IQGAP3: variants seen among roughly 807,000 people sequenced by gnomAD.
The protein encoded by IQGAP3 is ras GTPase-activating-like protein IQGAP3.
In IQGAP3, 165 loss-of-function variants were observed where a neutral mutation model predicts 208.2. The observed-to-expected ratio is 0.79, with a 90% CI of 0.70 to 0.90. The LOEUF (loss-of-function observed/expected upper bound fraction) is 0.90. Among genes scored for constraint, IQGAP3 ranks in the 40% least tolerant of loss-of-function variants. The pLI is 0.00. For missense variants in IQGAP3, 1,811 were observed against 2,043.1 expected (o/e 0.89, Z 2.19); for synonymous variants, 703 against 803.6 (o/e 0.87, Z 2.12).
chr1:156,532,955 AG>A, intron 32 of IQGAP3, 24 bp downstream of exon 32: 3 of 1,613,302 alleles, frequency 1.9e-6, no homozygotes, highest in Non-Finnish European at 2.5e-6. Flanking sequence ...TCAGGTATGC[AG>A]GGGCAGAGGC....
intron 2 of IQGAP3, among the ~76,000 whole-genome samples, chr1:156,568,318 G>A (rs986332429): frequency 2.0e-5 from 3 of 152,010 alleles, no homozygotes. Context: ...GGGTTCAAGC[G>A]ATTCTCCTGC....
In IQGAP3 at chr1:156,561,019, C is replaced by A; in HGVS notation, c.1044G>T (p.Glu348Asp). 6.2e-7 allele frequency: 1 copy of A among 1,612,406 alleles called. No individual in the cohort carries two copies. Among genetic ancestry groups the A allele is most frequent in the South Asian group, 1.1e-5 (1 of 91,036 alleles). Residue 348 changes from glutamate (E) to aspartate (D), a missense_variant and splice_region_variant, in exon 11 of 38, where the codon GAG becomes GAT. Coordinates refer to ENST00000361170, the MANE Select transcript of IQGAP3 (RefSeq NM_178229.5). ...LNSDREQKAQ[E>D]LGLVELLEKE... ...TTTCCAGAAGCTCCACCAGGCCCAG[C>A]TCCTAAGAGAGGGAAGAGATACAGT...
intron 31 of IQGAP3, 26 bp from the exon 32 acceptor site, chr1:156,533,132 G>T: frequency 6.2e-7 from 1 of 1,613,314 alleles, no homozygotes; most frequent in South Asian, 1.1e-5. Context: ...GAATGAGAGG[G>T]AGACAGGCAT....
chr1:156,529,449 G>A (rs1557915179), intron 34 of IQGAP3, among the ~76,000 whole-genome samples: 1 of 151,880 alleles, frequency 6.6e-6, no homozygotes, highest in East Asian at 1.9e-4. Context: ...AAAAAAAAAA[G>A]AGAGTTGCAA....
intron 19 of IQGAP3, among the ~76,000 whole-genome samples, chr1:156,547,462 G>T (rs1454320300): frequency 1.3e-5 from 2 of 150,888 alleles, no homozygotes; most frequent in African/African-American, 4.9e-5. Flanking sequence ...GTCTCGCTCT[G>T]TTGCCCATGC....
At chr1:156,528,427 C>T in intron 36 of IQGAP3, 82 bp downstream of exon 36, 3 of 974,454 alleles carry the variant, frequency 3.1e-6, no homozygotes, top group Non-Finnish European at 4.8e-6. Context: ...TTCTTCTCTT[C>T]CACCCGGTGC....
chr1:156,566,159 G>C, intron 3 of IQGAP3, 55 bp from the exon 4 acceptor site: 1 of 1,493,338 alleles, frequency 6.7e-7, no homozygotes. Context: ...ACTCCCTATG[G>C]GTAAAGCCCA....
Position 156,561,869 on chromosome 1 carries a change from T to C in IQGAP3, c.1010A>G (p.Gln337Arg). 2 of 1,614,090 alleles carry C rather than the reference T, an allele frequency of 1.2e-6. No individual in the cohort carries two copies. Residue 337 changes from glutamine to arginine, a missense_variant, in exon 10 of 38, where the codon CAG (glutamine) becomes CGG (arginine). Gln to Arg is a conservative substitution (Grantham distance 43). Transcript: ENST00000361170. Reference protein sequence around the residue: ...RRDFADWYLEQLNSDREQKAQ... With the variant: ...RRDFADWYLERLNSDREQKAQ... ...CTTCTGCTCTCTGTCTGAGTTCAGC[T>C]GCTCCAGGTACCAGTCAGCAAAGTC...
At position 156,548,762 on chromosome 1, in the gene IQGAP3, C is replaced by T. The variant is rs1377775648; in HGVS notation, c.1826-14G>A. ...CACCAAGAGCCACTGACAGGGGCATCAGGAGAGAGCAGTCAATCCTTCCCC... is the reference window on the plus strand; with the variant it reads ...CACCAAGAGCCACTGACAGGGGCATTAGGAGAGAGCAGTCAATCCTTCCCC... On this transcript the variant is annotated splice_polypyrimidine_tract_variant and intron_variant, in intron 16 of 37. Coordinates refer to ENST00000361170, the MANE Select transcript of IQGAP3 (RefSeq NM_178229.5). 2.6e-6 allele frequency: 4 copies of T among 1,542,594 alleles called. No homozygotes were observed. In the Admixed American group the frequency reaches 7.6e-5, roughly 29 times the overall value.
At chr1:156,548,881 T>C (rs1675407615) in intron 16 of IQGAP3, 133 bp from the exon 17 acceptor site, 2 of 848,356 alleles carry the variant, frequency 2.4e-6, no homozygotes, top group Non-Finnish European at 3.4e-6. Context: ...GACGGGAACA[T>C]CCCAGGATGG....
Position 156,562,641 on chromosome 1 carries a change from A to G in IQGAP3, c.823T>C (p.Tyr275His), listed in dbSNP as rs1557944509. Residue 275 changes from tyrosine to histidine, a missense_variant, in exon 9 of 38, where the codon TAT becomes CAT. By Grantham distance (83) the Tyr-to-His change is moderately conservative. Coordinates refer to ENST00000361170, the MANE Select transcript of IQGAP3 (RefSeq NM_178229.5). Reference sequence around the variant, plus strand: ...TCAGCCTGAGTTAGGTAGTGGTCATAGATGTCCTGGCTTTCTCTGTCATCC... The same window carrying G: ...TCAGCCTGAGTTAGGTAGTGGTCATGGATGTCCTGGCTTTCTCTGTCATCC... ...NHDDRESQDI[Y>H]DHYLTQAEIQ... 6.2e-7 allele frequency: 1 copy of G among 1,614,094 alleles called. No individual in the cohort carries two copies. The highest frequency in any genetic ancestry group is 8.5e-7 in the Non-Finnish European group (1 of 1,179,972).
rs756176242 is a variant in IQGAP3, at chr1:156,548,724, T to C, written c.1850A>G (p.Asn617Ser). Reference protein sequence around the residue: ...QRMALGVAAINQAIKEGKAAQ... With the variant: ...QRMALGVAAISQAIKEGKAAQ... ...TGCCTTGCCCTCCTTGATGGCTTGA[T>C]TGATGGCAGCCACACCAAGAGCCAC... The change falls in exon 17 of 38, where the codon AAT (asparagine) becomes AGT (serine). Residue 617 changes from asparagine (N) to serine (S), a missense_variant. Coordinates refer to ENST00000361170, the MANE Select transcript of IQGAP3 (RefSeq NM_178229.5). 9.5e-6 allele frequency: 15 copies of C among 1,586,062 alleles called. No individual in the cohort carries two copies. Among genetic ancestry groups the C allele is most frequent in the East Asian group, 4.5e-5 (2 of 44,588 alleles).
At chr1:156,533,717 T>C in intron 31 of IQGAP3, 56 bp downstream of exon 31, 2 of 1,422,998 alleles carry the variant, frequency 1.4e-6, no homozygotes, top group East Asian at 2.3e-5. Flanking sequence ...TGCCTGCCTG[T>C]CCCTCCCTCC....
At chr1:156,528,697 G>T in intron 35 of IQGAP3, 87 bp from the exon 36 acceptor site, 1 of 1,194,786 alleles carries the variant, frequency 8.4e-7, no homozygotes, top group Non-Finnish European at 1.2e-6. Context: ...AAGGAAATGA[G>T]ACCCCGAGGA....
At chr1:156,528,776 C>T in intron 35 of IQGAP3, 140 bp downstream of exon 35, 1 of 1,147,768 alleles carries the variant, frequency 8.7e-7, no homozygotes, top group Non-Finnish European at 1.2e-6. Context: ...AAATGAGGCT[C>T]AAAGACCAGA....
Position 156,548,167 on chromosome 1 carries a change from A to T in IQGAP3, c.2210T>A (p.Leu737His), listed in dbSNP as rs1484236293. ...TAGGAAGCCACGGAGGCGGGCCTGG[A>T]GCTGGATAACAAAGCCGACGTTGGC... ...WKANVGFVIQLQARLRGFLVR... is the reference protein window; with the variant it reads ...WKANVGFVIQHQARLRGFLVR... The change falls in exon 19 of 38, where the codon CTC (leucine) becomes CAC (histidine). Residue 737 changes from leucine to histidine, a missense_variant. Leu to His is a moderately conservative substitution (Grantham distance 99). Coordinates refer to ENST00000361170, the MANE Select transcript of IQGAP3 (RefSeq NM_178229.5). 6.2e-7 allele frequency: 1 copy of T among 1,613,994 alleles called. No individual in the cohort carries two copies. The highest frequency in any genetic ancestry group is 2.2e-5 in the East Asian group (1 of 44,878).
intron 31 of IQGAP3, 24 bp downstream of exon 31, chr1:156,533,749 T>C (rs6699212): frequency 1 from 1,595,565 of 1,599,540 alleles, 795,873 homozygotes; most frequent in East Asian, 1. Flanking sequence ...CTAGCTGGCC[T>C]CAGCTGCTAA....
chr1:156,544,376 C>G lies in IQGAP3; in HGVS notation c.2388+13G>C. ...TTTGAGAGAAAGGAGCCTGCCAAAA[C>G]CACCGTAGCTACCTTGATTATGGCA... On this transcript the variant is annotated intron_variant, in intron 20 of 37. Coordinates refer to ENST00000361170, the MANE Select transcript of IQGAP3 (RefSeq NM_178229.5). 1 of 1,609,546 alleles carries G rather than the reference C, an allele frequency of 6.2e-7. No homozygotes were observed. Among genetic ancestry groups the G allele is most frequent in the Non-Finnish European group, 8.5e-7 (1 of 1,175,862 alleles).
At chr1:156,572,332 C>T (rs577117515) in intron 1 of IQGAP3, among the ~76,000 whole-genome samples, 161 bp downstream of exon 1, 23 of 152,356 alleles carry the variant, frequency 1.5e-4, no homozygotes, top group African/African-American at 5.3e-4. Flanking sequence ...CCACTCGGGC[C>T]CACGGCGCCC....
Sources: allele counts gnomAD v4.1 joint callset (sites outside exome capture counted in the v4.1 genomes callset), GRCh38; gene constraint gnomAD v4.1.1; transcripts MANE v1.5; gene names NCBI Gene and HGNC (gene_info 2026-07-23, HGNC 2026-07-21).